The following RGPD3 variants were observed in gnomAD, a reference collection of about 807,000 sequenced individuals.
The protein encoded by RGPD3 is ranBP2-like and GRIP domain-containing protein 3.
RGPD3 carries 62 observed loss-of-function variants against 154.5 expected under a neutral mutation model. That is an observed-to-expected ratio of 0.40 (90% CI 0.33 to 0.50). The LOEUF (loss-of-function observed/expected upper bound fraction) is 0.50, where lower values mean the gene tolerates loss of function less well. RGPD3 is among the 20% of genes least tolerant of loss of function. The pLI is 0.59. For synonymous variants in RGPD3, 308 were observed against 607.0 expected (o/e 0.51, Z 7.24); for missense variants, 919 against 1,716.8 (o/e 0.54, Z 8.21).
Position 106,404,159 on chromosome 2 carries a change from A to G in RGPD3, c.*1060T>C, listed in dbSNP as rs1573232113. On this transcript the variant is annotated 3_prime_UTR_variant, in exon 23 of 23. Coordinates refer to ENST00000409886, the MANE Select transcript of RGPD3 (RefSeq NM_001144013.2). ...GAACACTATCTGCCAAAAACACTGA[A>G]AGCACCACTTTTATATTTAGATTCA... Among the ~76,000 whole-genome samples, 1 of 151,152 alleles carries G rather than the reference A, an allele frequency of 6.6e-6. No homozygotes were observed. Among genetic ancestry groups the G allele is most frequent in the African/African-American group, 2.5e-5 (1 of 40,548 alleles).
chr2:106,437,973 C>T (rs1183681879), intron 9 of RGPD3, among the ~76,000 whole-genome samples: 1 of 152,222 alleles, frequency 6.6e-6, no homozygotes, highest in Non-Finnish European at 1.5e-5. Flanking sequence ...GCTCTGTCGC[C>T]CAGGCTGTAG....
chr2:106,430,277 C>G (rs1360427245), intron 17 of RGPD3, among the ~76,000 whole-genome samples: 4 of 151,412 alleles, frequency 2.6e-5, no homozygotes, highest in Non-Finnish European at 5.9e-5. Flanking sequence ...AAAAATTTAT[C>G]TGCTCCCATT....
chr2:106,445,306 T>A, intron 7 of RGPD3, among the ~76,000 whole-genome samples: 1 of 151,590 alleles, frequency 6.6e-6, no homozygotes. Context: ...AAAAATAAAA[T>A]AAATAAAAAT....
intron 6 of RGPD3, among the ~76,000 whole-genome samples, chr2:106,450,016 CA>C (rs923378926): frequency 4.8e-4 from 44 of 91,794 alleles, no homozygotes; most frequent in Non-Finnish European, 5.1e-4. Context: ...GACTCCGTCT[CA>C]AAAAAAAAAA....
Position 106,414,518 on chromosome 2 carries a change from A to G in RGPD3, c.5065-1233T>C, listed in dbSNP as rs1168017995. ...GTGCCTGCAGTCTCAGCTACTCAGG[A>G]GGCTGAGGCAGGGGAATCGCTTGAA... is the stretch of plus-strand genomic sequence containing the variant. On this transcript the variant is annotated intron_variant, in intron 21 of 22. Transcript: ENST00000409886. 5.1e-5 allele frequency among the ~76,000 whole-genome samples: 7 copies of G among 137,466 alleles called. 1 individual carries two copies. Among genetic ancestry groups the G allele is most frequent in the Non-Finnish European group, 8.0e-5 (5 of 62,808 alleles). 90.2% of individuals were successfully genotyped at this position (137,466 alleles called of 152,430 possible). A position where few individuals can be genotyped will look rare whatever the true frequency, so the allele number is the denominator to read the frequency against.
chr2:106,460,995 A>G (rs1168475217), intron 1 of RGPD3, among the ~76,000 whole-genome samples: 6 of 42,718 alleles, frequency 1.4e-4, no homozygotes, highest in African/African-American at 4.8e-4. Flanking sequence ...CCAGGTTGCC[A>G]TCAATCGAAA....
chr2:106,405,253 A>G, intron 22 of RGPD3, 24 bp from the exon 23 acceptor site: 1 of 1,606,078 alleles, frequency 6.2e-7, no homozygotes, highest in Non-Finnish European at 8.5e-7. Flanking sequence ...AACAAAAAAA[A>G]AGAAAAAAGA....
At chr2:106,408,965 T>C (rs1391869331) in intron 22 of RGPD3, among the ~76,000 whole-genome samples, 1 of 151,800 alleles carries the variant, frequency 6.6e-6, no homozygotes, top group Non-Finnish European at 1.5e-5. Context: ...GGCTTACAGG[T>C]GTGAGTCACT....
At chr2:106,410,347 G>C (rs893078958) in intron 22 of RGPD3, among the ~76,000 whole-genome samples, 4 of 152,060 alleles carry the variant, frequency 2.6e-5, no homozygotes, top group African/African-American at 7.2e-5. Context: ...CTGTTTACAG[G>C]ACTTACCAAA....
intron 1 of RGPD3, 64 bp downstream of exon 1, chr2:106,468,153 C>G (rs569810464): frequency 1.6e-5 from 25 of 1,532,444 alleles, no homozygotes; most frequent in East Asian, 1.5e-4. Flanking sequence ...AGGCCGCCGC[C>G]GGGCCGGGTC....
intron 9 of RGPD3, among the ~76,000 whole-genome samples, chr2:106,437,560 A>T (rs2104480169): frequency 6.6e-6 from 1 of 152,382 alleles, no homozygotes; most frequent in South Asian, 2.1e-4. Context: ...TTCTGGAAGC[A>T]TGAAGAGGTA....
rs747844526 is a variant in RGPD3 at position 106,468,333 on chromosome 2, GC to G, written c.-46del. On this transcript the variant is annotated 5_prime_UTR_variant, in exon 1 of 23. Transcript: ENST00000409886. ...CCGAGATGCGTGAGACCAGCGCTCA[GC>G]CCCGCAGCAGTCGCCAATTCCAAGA... is the stretch of plus-strand genomic sequence containing the variant. The G allele has an allele frequency of 1.5e-5, 23 of 1,575,418 alleles. No homozygotes were observed. In the African/African-American group the frequency reaches 3.1e-4, roughly 21 times the overall value.
intron 6 of RGPD3, among the ~76,000 whole-genome samples, chr2:106,448,825 G>A (rs1171654566): frequency 6.6e-6 from 1 of 151,536 alleles, no homozygotes; most frequent in Non-Finnish European, 1.5e-5. Context: ...CGAGCAGCTG[G>A]GACTATAGGC....
rs748708145 is a variant in RGPD3 at position 106,425,283 on chromosome 2, G to A, written c.2701-17C>T. 9 of 1,609,536 alleles carry A rather than the reference G, an allele frequency of 5.6e-6. No homozygotes were observed. The highest frequency in any genetic ancestry group is 7.6e-6 in the Non-Finnish European group (9 of 1,179,160). On this transcript the variant is annotated splice_polypyrimidine_tract_variant and intron_variant, in intron 19 of 22. Coordinates refer to ENST00000409886, the MANE Select transcript of RGPD3 (RefSeq NM_001144013.2). ...AGAAGAACCCTGAAACATAAATGAA[G>A]GTGAATTTTCTTGATCCACATGCCC...
chr2:106,443,277 TG>T (rs1171694007), intron 7 of RGPD3, among the ~76,000 whole-genome samples: 7 of 151,926 alleles, frequency 4.6e-5, no homozygotes, highest in Non-Finnish European at 1.0e-4. Flanking sequence ...TTAGTTTCTT[TG>T]GGGGTGGAGA....
Position 106,436,405 on chromosome 2 carries a change from A to G in RGPD3, c.1634+9T>C. ...TAAGTGAAAGCAATATTTTTGTTTT[A>G]CTACTTACACTGCTTTTCTGTGAAT... is the stretch of plus-strand genomic sequence containing the variant. On this transcript the variant is annotated intron_variant, in intron 11 of 22. Transcript: ENST00000409886. 1 of 1,354,406 alleles carries G rather than the reference A, an allele frequency of 7.4e-7. No individual in the cohort carries two copies. Among genetic ancestry groups the G allele is most frequent in the African/African-American group, 1.5e-5 (1 of 68,776 alleles). 83.9% of individuals were successfully genotyped at this position (1,354,406 alleles called of 1,614,324 possible). A position where few individuals can be genotyped will look rare whatever the true frequency, so the allele number is the denominator to read the frequency against.
chr2:106,451,890 A>G (rs1234302365), intron 6 of RGPD3, among the ~76,000 whole-genome samples: 1 of 151,434 alleles, frequency 6.6e-6, no homozygotes, highest in African/African-American at 2.4e-5. Flanking sequence ...TTATAAAAAA[A>G]TAAAATATGA....
intron 9 of RGPD3, among the ~76,000 whole-genome samples, chr2:106,437,552 C>A: frequency 6.6e-6 from 1 of 152,172 alleles, no homozygotes; most frequent in East Asian, 1.9e-4. Context: ...TTATGCGCTT[C>A]TGGAAGCATG....
intron 20 of RGPD3, among the ~76,000 whole-genome samples, chr2:106,419,623 C>T (rs922958010): frequency 3.0e-4 from 44 of 145,590 alleles, no homozygotes; most frequent in Non-Finnish European, 4.6e-4. Context: ...GAGGCCGAGG[C>T]GGGTGGATCA....
Sources: gnomAD v4.1 joint callset for allele counts (sites outside exome capture counted in the v4.1 genomes callset) on GRCh38, gnomAD v4.1.1 for gene constraint, MANE v1.5 for transcripts, NCBI Gene and HGNC (gene_info 2026-07-23, HGNC 2026-07-21) for gene names.